Variants in NCOR2 observed in about 807,000 individuals in gnomAD.
The protein encoded by NCOR2 is CTG repeat protein 26.
NCOR2 carries 81 observed loss-of-function variants against 262.9 expected under a neutral mutation model. The ratio of observed to expected loss-of-function variants is 0.31; its 90% CI spans 0.26 to 0.37. NCOR2 has a LOEUF of 0.37. Ranked by LOEUF, NCOR2 falls within the 10% of genes least tolerant of loss-of-function variation. The pLI, the probability that NCOR2 is intolerant of heterozygous loss-of-function variation, is 1.00. For missense variants in NCOR2, 3,385 were observed against 3,621.4 expected, an observed-to-expected ratio of 0.93 and a Z score of 1.68; for synonymous variants, 1,659 against 1,559.3, an observed-to-expected ratio of 1.06 and a Z score of -1.51.
At chr12:124,342,119 C>G in intron 33 of NCOR2, 45 bp from the exon 36 acceptor site, 5 of 1,568,768 alleles carry the variant, frequency 3.2e-6, no homozygotes, top group Non-Finnish European at 4.3e-6. Flanking sequence ...CATACCTAGG[C>G]CTGATGGTGT....
chr12:124,510,231 G>A (rs922126868), intron 1 of NCOR2, among the ~76,000 whole-genome samples: 23 of 152,296 alleles, frequency 1.5e-4, no homozygotes, highest in African/African-American at 5.3e-4. Flanking sequence ...CCCCAGCTCC[G>A]CTTCTCCTCC....
intron 16 of NCOR2, among the ~76,000 whole-genome samples, chr12:124,388,115 G>A (rs775487346): frequency 1.3e-5 from 2 of 152,140 alleles, no homozygotes; most frequent in Non-Finnish European, 2.9e-5. Context: ...AGCCCTTCCT[G>A]AAAACATACG....
chr12:124,527,927 G>A (rs576192669), intron 1 of NCOR2, among the ~76,000 whole-genome samples: 5 of 152,294 alleles, frequency 3.3e-5, no homozygotes, highest in African/African-American at 7.2e-5. Flanking sequence ...TTCCCATCTC[G>A]CCCTCCAGGG....
intron 34 of NCOR2, 71 bp downstream of exon 36, chr12:124,341,752 C>T (rs560493609): frequency 1.3e-6 from 2 of 1,536,764 alleles, no homozygotes. Context: ...CTCCGCGAGG[C>T]CACAGGGGCA....
At chr12:124,458,633 A>G (rs1593635317) in intron 5 of NCOR2, among the ~76,000 whole-genome samples, 1 of 152,234 alleles carries the variant, frequency 6.6e-6, no homozygotes, top group Non-Finnish European at 1.5e-5. Context: ...ATTGCGCATA[A>G]GCGCCATGGG....
chr12:124,351,306 C>T (rs1288311479), intron 27 of NCOR2, among the ~76,000 whole-genome samples: 1 of 152,222 alleles, frequency 6.6e-6, no homozygotes. Context: ...GTCAGGGCAG[C>T]ACACCGGAAA....
At chr12:124,512,167 C>T (rs895099949) in intron 1 of NCOR2, among the ~76,000 whole-genome samples, 5 of 152,204 alleles carry the variant, frequency 3.3e-5, no homozygotes, top group Non-Finnish European at 7.3e-5. Flanking sequence ...CCACCTCGGC[C>T]TCCCAAAGTG....
rs1249604856 is a variant in NCOR2, at chr12:124,443,428, A to G, written c.816-5432T>C. ...CACATGTCAAGTCCGCAGGGTGCAA[A>G]CTGCACAGTGCACAGGCCAGAGACA... On this transcript the variant is annotated intron_variant, in intron 7 of 46. Transcript: ENST00000405201. The surrounding 1 kb of genome is among the most constrained non-coding windows in gnomAD (Gnocchi z 4.4). Among the ~76,000 whole-genome samples the G allele has an allele frequency of 1.3e-5, 2 of 152,176 alleles. No homozygotes were observed. The highest frequency in any genetic ancestry group is 1.3e-4 in the Admixed American group (2 of 15,284).
At position 124,452,246 on chromosome 12, in the gene NCOR2, G is replaced by A. The variant is rs549633042; in HGVS notation, c.763-2379C>T. 9.8e-5 allele frequency among the ~76,000 whole-genome samples: 15 copies of A among 152,326 alleles called. No homozygotes were observed. In the South Asian group the frequency reaches 2.9e-3, roughly 29 times the overall value. On this transcript the variant is annotated intron_variant, in intron 6 of 46. Transcript: ENST00000405201. Reference sequence around the variant, plus strand: ...ATCCCTGCAGAGGGTGCGAATCCTCGTCTCAGGAATGGCAAGGGGCCCTGT... The same window carrying A: ...ATCCCTGCAGAGGGTGCGAATCCTCATCTCAGGAATGGCAAGGGGCCCTGT...
chr12:124,491,981 A>C (rs527333035), intron 1 of NCOR2, among the ~76,000 whole-genome samples: 2 of 152,266 alleles, frequency 1.3e-5, no homozygotes, highest in African/African-American at 4.8e-5. Flanking sequence ...GAGTCAGGGA[A>C]CCTGGGGGCT....
chr12:124,430,467 A>G (rs917657486), intron 9 of NCOR2, 148 bp downstream of exon 11: 16 of 895,130 alleles, frequency 1.8e-5, no homozygotes, highest in Non-Finnish European at 2.3e-5. Flanking sequence ...TCCACGTGAC[A>G]CAGGCCAGGG....
intron 1 of NCOR2, among the ~76,000 whole-genome samples, chr12:124,501,816 A>C (rs1370976046): frequency 6.6e-6 from 1 of 152,168 alleles, no homozygotes; most frequent in Admixed American, 6.5e-5. Context: ...TGCTCCAGAA[A>C]TACTTGTTTT....
intron 1 of NCOR2, among the ~76,000 whole-genome samples, chr12:124,547,897 T>C (rs1339964870): frequency 6.6e-6 from 1 of 152,256 alleles, no homozygotes; most frequent in Non-Finnish European, 1.5e-5. Context: ...ACCAATCATA[T>C]ATTTTTATAT....
intron 16 of NCOR2, 78 bp from the exon 19 acceptor site, chr12:124,385,965 C>G (rs1433016419): frequency 2.0e-6 from 3 of 1,528,292 alleles, no homozygotes; most frequent in East Asian, 4.6e-5. Flanking sequence ...GCCTGGGCGG[C>G]AAACGGGCCT....
intron 1 of NCOR2, among the ~76,000 whole-genome samples, chr12:124,532,325 G>A (rs2050845416): frequency 6.6e-6 from 1 of 151,616 alleles, no homozygotes; most frequent in Non-Finnish European, 1.5e-5. Context: ...CTGCCAAGTG[G>A]GTGTGGTGGG....
intron 1 of NCOR2, among the ~76,000 whole-genome samples, chr12:124,502,246 G>A (rs745884434): frequency 2.0e-5 from 3 of 152,224 alleles, no homozygotes; most frequent in Non-Finnish European, 4.4e-5. Flanking sequence ...CCTGCTGCCC[G>A]GCCTGGTGGC....
Position 124,504,074 on chromosome 12 carries a change from C to A in NCOR2, c.-117-8706G>T, listed in dbSNP as rs1479370785. ...ACCCAGACTCAGCGTGGGAGGGTCTCAACTCTCCCGAGTCCCCCACCTGGC... is the reference window on the plus strand; with the variant it reads ...ACCCAGACTCAGCGTGGGAGGGTCTAAACTCTCCCGAGTCCCCCACCTGGC... On this transcript the variant is annotated intron_variant, in intron 1 of 46. Transcript: ENST00000404621. The surrounding 1 kb of genome is among the most constrained non-coding windows in gnomAD (Gnocchi z 4.5). Among the ~76,000 whole-genome samples the A allele has an allele frequency of 1.3e-5, 2 of 152,202 alleles. No homozygotes were observed. Among genetic ancestry groups the A allele is most frequent in the African/African-American group, 4.8e-5 (2 of 41,446 alleles).
At chr12:124,383,501 C>A in intron 17 of NCOR2, 2 of 919,506 alleles carry the variant, frequency 2.2e-6, no homozygotes, top group South Asian at 4.3e-5. Flanking sequence ...ATACCTCCCA[C>A]AAATCTCCTA....
At chr12:124,563,950 A>G (rs1566064153) in intron 1 of NCOR2, among the ~76,000 whole-genome samples, 12 of 152,252 alleles carry the variant, frequency 7.9e-5, no homozygotes, top group Non-Finnish European at 1.5e-5. Context: ...GTAGTTCCAC[A>G]TCCAAGCTGT....
Sources: allele counts gnomAD v4.1 joint callset (sites outside exome capture counted in the v4.1 genomes callset), GRCh38; gene constraint gnomAD v4.1.1; non-coding constraint Gnocchi (gnomAD v3.1); transcripts MANE v1.5; gene names NCBI Gene and HGNC (gene_info 2026-07-23, HGNC 2026-07-21).